MOK: variants seen among roughly 807,000 people sequenced by gnomAD.
MOK encodes MOK protein kinase, also known as MAPK/MAK/MRK overlapping kinase.
Under a neutral mutation model 54.2 loss-of-function variants are expected in MOK, and 59 were observed. The ratio of observed to expected loss-of-function variants is 1.09; its 90% CI spans 0.88 to 1.35. MOK has a LOEUF of 1.35. MOK is among the 40% of genes most tolerant of loss of function. MOK has a pLI of 0.00. For missense variants in MOK, 517 were observed against 526.2 expected (o/e 0.98, Z 0.17); for synonymous variants, 210 against 202.7 (o/e 1.04, Z -0.31).
intron 1 of MOK, among the ~76,000 whole-genome samples, chr14:102,284,653 C>T (rs1044285335): frequency 2.0e-5 from 3 of 152,166 alleles, no homozygotes; most frequent in African/African-American, 7.2e-5. Context: ...CTCCATTGAA[C>T]AAATGGCTCA....
intron 1 of MOK, among the ~76,000 whole-genome samples, chr14:102,290,964 A>C (rs944213024): frequency 1.3e-5 from 2 of 152,178 alleles, no homozygotes; most frequent in African/African-American, 4.8e-5. Context: ...GAAGATCTTC[A>C]AACTATGCTA....
At chr14:102,217,602 C>CCTGGGCTGGGCT in the MOK span, among the ~76,000 whole-genome samples, 2 of 152,164 alleles carry the variant, frequency 1.3e-5, no homozygotes, top group African/African-American at 4.8e-5. Flanking sequence ...TCCCGACGTC[C>CCTGGGCTGGGCT]CTGGGCTGGG....
At chr14:102,214,937 A>T in the MOK span, 2 of 985,086 alleles carry the variant, frequency 2.0e-6, no homozygotes, top group Non-Finnish European at 2.4e-6. Flanking sequence ...CATACTTGAT[A>T]TTCTGAAGTA....
the MOK span, chr14:102,214,661 G>A: frequency 2.0e-6 from 2 of 984,038 alleles, no homozygotes. Flanking sequence ...AAATTGTATG[G>A]ATATTTTGAG....
chr14:102,281,609 T>G (rs111660146), intron 2 of MOK, among the ~76,000 whole-genome samples: 2,195 of 126,510 alleles, frequency 0.017, 54 homozygotes, highest in African/African-American at 0.073. Flanking sequence ...TTTTTTTGTG[T>G]TTTTTTTTTA....
intron 2 of MOK, among the ~76,000 whole-genome samples, chr14:102,268,872 G>A (rs1050404451): frequency 3.4e-5 from 5 of 148,766 alleles, no homozygotes; most frequent in Admixed American, 6.7e-5. Flanking sequence ...CCGAAATCAC[G>A]CCACTGCACT....
At chr14:102,223,038 C>T (rs187086261), downstream of MOK, 295 of 775,654 alleles carry the variant, frequency 3.8e-4, 1 homozygote, top group African/African-American at 4.5e-3. Context: ...CACTCTGCGG[C>T]GCCGTGCTCC....
chr14:102,220,637 TTGA>T (rs2063773388), downstream of MOK, among the ~76,000 whole-genome samples: 6 of 150,282 alleles, frequency 4.0e-5, no homozygotes, highest in African/African-American at 1.5e-4. This position sits in a 1 kb window ranked among gnomAD's most constrained non-coding sequence, Gnocchi z 4.2. Context: ...GGAGAATCAC[TTGA>T]ACCCAGGAGG....
chr14:102,281,403 G>A (rs1227234351), intron 2 of MOK, among the ~76,000 whole-genome samples: 1 of 150,996 alleles, frequency 6.6e-6, no homozygotes, highest in Admixed American at 6.6e-5. Flanking sequence ...TGAGGCTGAG[G>A]CTGGATAATC....
chr14:102,224,599 A>C (rs745962426), downstream of MOK: 3 of 456,028 alleles, frequency 6.6e-6, no homozygotes, highest in Non-Finnish European at 1.3e-5. Flanking sequence ...CTTTACTTTC[A>C]GGCTTTTGAG....
chr14:102,220,719 CA>C (rs35097607), downstream of MOK, among the ~76,000 whole-genome samples: 70,406 of 111,446 alleles, frequency 0.63, 21,389 homozygotes, highest in East Asian at 0.88. This position sits in a 1 kb window ranked among gnomAD's most constrained non-coding sequence, Gnocchi z 4.2. Flanking sequence ...GACTCCGTCT[CA>C]AAAAAAAAAA....
At chr14:102,298,930 G>A (rs577400346) in intron 1 of MOK, among the ~76,000 whole-genome samples, 15 of 152,134 alleles carry the variant, frequency 9.9e-5, no homozygotes, top group African/African-American at 3.6e-4. Flanking sequence ...CACTCACCGC[G>A]AAGGTCTGCA....
intron 4 of MOK, among the ~76,000 whole-genome samples, chr14:102,261,418 AATATATATATATATATATAT>A (rs1197835093): frequency 0.012 from 509 of 42,832 alleles, 32 homozygotes; most frequent in African/African-American, 0.025. Context: ...AAAAAAAAAA[AATATATATATATATATATAT>A]ATATATATAT....
intron 1 of MOK, among the ~76,000 whole-genome samples, chr14:102,294,199 C>T (rs1339659297): frequency 2.6e-5 from 4 of 151,420 alleles, no homozygotes; most frequent in Non-Finnish European, 4.4e-5. Flanking sequence ...GTAATCCCAG[C>T]ACTTTGGGAG....
At chr14:102,253,014 G>A (rs992237403) in intron 4 of MOK, among the ~76,000 whole-genome samples, 7 of 152,200 alleles carry the variant, frequency 4.6e-5, no homozygotes, top group Non-Finnish European at 8.8e-5. Context: ...GGAAGCCCCG[G>A]GCGAGTCAGC....
At chr14:102,256,420 A>G (rs2066957175) in intron 4 of MOK, among the ~76,000 whole-genome samples, 1 of 151,498 alleles carries the variant, frequency 6.6e-6, no homozygotes, top group Non-Finnish European at 1.5e-5. Flanking sequence ...AAAAAAAATT[A>G]GCCAGGCTAA....
intron 7 of MOK, among the ~76,000 whole-genome samples, chr14:102,237,130 C>G (rs2065293216): frequency 6.6e-6 from 1 of 152,232 alleles, no homozygotes; most frequent in Non-Finnish European, 1.5e-5. Context: ...CTAACCTGGA[C>G]TGTCCTCCCT....
Position 102,236,118 on chromosome 14 carries a change from A to G in MOK, c.591-2329T>C, listed in dbSNP as rs1312329508. On this transcript the variant is annotated intron_variant, in intron 7 of 11. Coordinates refer to ENST00000361847, the MANE Select transcript of MOK (RefSeq NM_014226.3). The surrounding 1 kb of genome is among the most constrained non-coding windows in gnomAD (Gnocchi z 4.5). The stretch of plus-strand genomic sequence containing the variant: ...CCACTGGAAGTCCGACTGTCCTCTC[A>G]ACAGACAGACAAGCCTGCTCCTCAG... Among the ~76,000 whole-genome samples, 1 of 152,182 alleles carries G rather than the reference A, an allele frequency of 6.6e-6. No individual in the cohort carries two copies. Among genetic ancestry groups the G allele is most frequent in the East Asian group, 1.9e-4 (1 of 5,198 alleles).
At chr14:102,297,996 C>A (rs1481103454) in intron 1 of MOK, among the ~76,000 whole-genome samples, 2 of 152,226 alleles carry the variant, frequency 1.3e-5, no homozygotes, top group Non-Finnish European at 2.9e-5. Flanking sequence ...CCTGCGCAGC[C>A]CAAGCCTCCC....
Sources: allele counts gnomAD v4.1 joint callset (sites outside exome capture counted in the v4.1 genomes callset), GRCh38; gene constraint gnomAD v4.1.1; non-coding constraint Gnocchi (gnomAD v3.1); transcripts MANE v1.5; gene names NCBI Gene and HGNC (gene_info 2026-07-23, HGNC 2026-07-21).